The following NAALADL2 variants were observed in gnomAD, a reference collection of about 807,000 sequenced individuals.
The protein encoded by NAALADL2 is N-acetylated alpha-linked acidic dipeptidase like 2.
In NAALADL2, 76 loss-of-function variants were observed where a neutral mutation model predicts 87.2. The ratio of observed to expected loss-of-function variants is 0.87; its 90% CI spans 0.72 to 1.05. NAALADL2 has a LOEUF of 1.05. NAALADL2 is among the 50% of genes least tolerant of loss of function. NAALADL2 has a pLI of 0.00. For missense variants in NAALADL2, 1,089 were observed against 945.8 expected, an observed-to-expected ratio of 1.15 and a Z score of -1.99; for synonymous variants, 354 against 331.0, an observed-to-expected ratio of 1.07 and a Z score of -0.75.
chr3:175,226,374 A>G (rs1217525745), intron 2 of NAALADL2, among the ~76,000 whole-genome samples: 1 of 152,028 alleles, frequency 6.6e-6, no homozygotes, highest in Non-Finnish European at 1.5e-5. Flanking sequence ...ATTTATTTCC[A>G]CCTACCTCTT....
intron 2 of NAALADL2, among the ~76,000 whole-genome samples, chr3:175,100,338 A>G (rs746416363): frequency 3.5e-4 from 53 of 152,274 alleles, no homozygotes; most frequent in Non-Finnish European, 3.5e-4. Flanking sequence ...AGCATTTTTG[A>G]AAAAGCTGCT....
intron 10 of NAALADL2, among the ~76,000 whole-genome samples, chr3:175,598,814 C>T (rs1020694554): frequency 2.0e-5 from 3 of 151,582 alleles, no homozygotes; most frequent in Non-Finnish European, 2.9e-5. Context: ...TTCCCTCTAA[C>T]AGCCTTTGGT....
rs556370003 is a variant in NAALADL2, at chr3:175,705,212, C to T, written c.1897-32094C>T. 2.0e-5 allele frequency among the ~76,000 whole-genome samples: 3 copies of T among 152,124 alleles called. No individual in the cohort carries two copies. The East Asian group carries it at 5.8e-4, about 30-fold the overall frequency. On this transcript the variant is annotated intron_variant, in intron 11 of 13. Coordinates refer to ENST00000454872, the MANE Select transcript of NAALADL2 (RefSeq NM_207015.3). ...CCAGCTGTAGGGTTCATTTTATCCTCATTTCACAGAAGAGGAAAATGAGGT... is the reference window on the plus strand; with the variant it reads ...CCAGCTGTAGGGTTCATTTTATCCTTATTTCACAGAAGAGGAAAATGAGGT...
intron 9 of NAALADL2, among the ~76,000 whole-genome samples, chr3:175,486,063 G>A (rs997111108): frequency 6.6e-6 from 1 of 151,804 alleles, no homozygotes; most frequent in Admixed American, 6.6e-5. Flanking sequence ...AATCTGCCCA[G>A]TTTATGGTAT....
At chr3:174,601,725 C>T (rs1439058218) in intron 2 of NAALADL2, among the ~76,000 whole-genome samples, 2 of 152,202 alleles carry the variant, frequency 1.3e-5, no homozygotes, top group African/African-American at 2.4e-5. Flanking sequence ...TTGTCCACTC[C>T]CATGTCCTGG....
At chr3:174,808,590 A>T (rs1008392583) in intron 3 of NAALADL2, among the ~76,000 whole-genome samples, 1 of 152,304 alleles carries the variant, frequency 6.6e-6, no homozygotes, top group African/African-American at 2.4e-5. Context: ...CTGTTTGAAC[A>T]TGCTGAGATT....
At chr3:175,001,316 T>C (rs1039218942) in intron 1 of NAALADL2, among the ~76,000 whole-genome samples, 5 of 151,788 alleles carry the variant, frequency 3.3e-5, no homozygotes, top group African/African-American at 7.2e-5. Flanking sequence ...CTGTTTACAT[T>C]TTGAGTAGCA....
intron 3 of NAALADL2, among the ~76,000 whole-genome samples, chr3:174,744,242 C>A (rs967970740): frequency 6.6e-6 from 1 of 151,718 alleles, no homozygotes; most frequent in Non-Finnish European, 1.5e-5. Flanking sequence ...TCCAGGCGGG[C>A]CCAATGTAAT....
chr3:175,146,930 C>T (rs193205528), intron 2 of NAALADL2, among the ~76,000 whole-genome samples: 1 of 152,130 alleles, frequency 6.6e-6, no homozygotes, highest in Non-Finnish European at 1.5e-5. Context: ...AAAAAAAATG[C>T]ATATGATGTA....
intron 1 of NAALADL2, among the ~76,000 whole-genome samples, chr3:174,976,171 C>CT (rs914375435): frequency 1.3e-5 from 2 of 151,836 alleles, no homozygotes; most frequent in Admixed American, 6.6e-5. Flanking sequence ...AAAAGAAGAA[C>CT]TTTTTTTTCT....
chr3:175,631,706 T>C (rs191320536), intron 11 of NAALADL2, among the ~76,000 whole-genome samples: 8 of 152,130 alleles, frequency 5.3e-5, no homozygotes, highest in East Asian at 1.9e-4. Context: ...AATTCCTTCA[T>C]TGACTAAACC....
intron 1 of NAALADL2, among the ~76,000 whole-genome samples, chr3:174,494,673 G>C (rs1406943116): frequency 1.3e-5 from 2 of 151,934 alleles, no homozygotes; most frequent in African/African-American, 4.8e-5. Context: ...GGTGACAAGG[G>C]CTTATAGCAA....
At chr3:175,441,156 T>C (rs1719675878) in intron 5 of NAALADL2, among the ~76,000 whole-genome samples, 1 of 152,082 alleles carries the variant, frequency 6.6e-6, no homozygotes, top group Non-Finnish European at 1.5e-5. Flanking sequence ...TTCACATCCA[T>C]GGATTCAACT....
At chr3:175,564,036 G>A (rs1291016851) in intron 9 of NAALADL2, among the ~76,000 whole-genome samples, 5 of 152,254 alleles carry the variant, frequency 3.3e-5, no homozygotes, top group South Asian at 2.1e-4. Context: ...TCCTCTGCCC[G>A]ATTTCTCACT....
chr3:175,377,985 A>G (rs111721920), intron 5 of NAALADL2, among the ~76,000 whole-genome samples: 12 of 151,800 alleles, frequency 7.9e-5, no homozygotes, highest in Admixed American at 3.3e-4. Flanking sequence ...CTGTGACCTC[A>G]TTCTTCTGGA....
At chr3:175,084,425 G>T (rs943277798) in intron 1 of NAALADL2, among the ~76,000 whole-genome samples, 1 of 152,056 alleles carries the variant, frequency 6.6e-6, no homozygotes, top group African/African-American at 2.4e-5. Context: ...GCTTCTCCTC[G>T]TGGTCTCAGG....
rs536561277 is a variant in NAALADL2 at position 175,805,742 on chromosome 3, G to T, written c.*2539G>T. 1.3e-5 allele frequency: 2 copies of T among 151,982 alleles called. No homozygotes were observed. The highest frequency in any genetic ancestry group is 4.1e-4 in the South Asian group (2 of 4,822). 9.4% of individuals were successfully genotyped at this position (151,982 alleles called of 1,614,324 possible). A position where few individuals can be genotyped will look rare whatever the true frequency, so the allele number is the denominator to read the frequency against. On this transcript the variant is annotated 3_prime_UTR_variant, in exon 14 of 14. Coordinates refer to ENST00000454872, the MANE Select transcript of NAALADL2 (RefSeq NM_207015.3). The stretch of plus-strand genomic sequence containing the variant: ...CTTTCATACATAGAATTGTGCCTAG[G>T]AAATAATGAATCATAAATATTCTCT...
intron 5 of NAALADL2, among the ~76,000 whole-genome samples, chr3:175,367,248 T>C (rs1264317686): frequency 6.6e-6 from 1 of 151,880 alleles, no homozygotes; most frequent in African/African-American, 2.4e-5. Flanking sequence ...TTCCATGCTG[T>C]TTTGGTTACT....
chr3:175,112,417 A>G (rs1251190124), intron 2 of NAALADL2: 1 of 151,698 alleles, frequency 6.6e-6, no homozygotes. Context: ...TATATTTGTA[A>G]AGTAAATTTT....
Sources: allele counts gnomAD v4.1 joint callset (sites outside exome capture counted in the v4.1 genomes callset), GRCh38; gene constraint gnomAD v4.1.1; transcripts MANE v1.5; gene names NCBI Gene and HGNC (gene_info 2026-07-23, HGNC 2026-07-21).